The following CNTNAP2 variants were observed in gnomAD, a reference collection of about 807,000 sequenced individuals.
CNTNAP2 encodes contactin-associated protein-like 2.
CNTNAP2 carries 98 observed loss-of-function variants against 155.2 expected under a neutral mutation model. The observed-to-expected ratio is 0.63, with a 90% CI of 0.54 to 0.75. The LOEUF (loss-of-function observed/expected upper bound fraction) is 0.75, where lower values mean the gene tolerates loss of function less well. Ranked by LOEUF, CNTNAP2 falls within the 30% of genes least tolerant of loss-of-function variation. The pLI, the probability that CNTNAP2 is intolerant of heterozygous loss-of-function variation, is 0.00. For missense variants in CNTNAP2, 1,727 were observed against 1,688.1 expected, an observed-to-expected ratio of 1.02 and a Z score of -0.40; for synonymous variants, 651 against 631.2, an observed-to-expected ratio of 1.03 and a Z score of -0.47.
intron 13 of CNTNAP2, among the ~76,000 whole-genome samples, chr7:147,875,858 C>T (rs1040758306): frequency 1.3e-5 from 2 of 152,170 alleles, no homozygotes; most frequent in African/African-American, 2.4e-5. Context: ...GGTGACCCTA[C>T]CTTCAGAAGC....
At chr7:148,270,648 G>T (rs1204879667) in intron 21 of CNTNAP2, among the ~76,000 whole-genome samples, 2 of 152,364 alleles carry the variant, frequency 1.3e-5, no homozygotes, top group African/African-American at 4.8e-5. Context: ...ACTGCAGGGT[G>T]AAAGGGTATG....
intron 1 of CNTNAP2, among the ~76,000 whole-genome samples, chr7:146,767,792 A>G (rs983472509): frequency 2.0e-5 from 3 of 152,172 alleles, no homozygotes; most frequent in African/African-American, 7.2e-5. Context: ...AAAATCTAGA[A>G]CGACTGGGTC....
chr7:147,114,068 T>C (rs2129281086), intron 5 of CNTNAP2, among the ~76,000 whole-genome samples: 1 of 152,340 alleles, frequency 6.6e-6, no homozygotes, highest in South Asian at 2.1e-4. Context: ...AATTTCATTA[T>C]TTACCCAAGA....
chr7:147,585,744 AGTGT>A (rs1160893737), intron 12 of CNTNAP2, among the ~76,000 whole-genome samples: 1 of 146,324 alleles, frequency 6.8e-6, no homozygotes, highest in Non-Finnish European at 1.5e-5. Context: ...CCTCTCTAAA[AGTGT>A]GTGTGTGTCT....
chr7:147,776,931 A>G (rs1025717433), intron 13 of CNTNAP2, among the ~76,000 whole-genome samples: 8 of 151,348 alleles, frequency 5.3e-5, no homozygotes, highest in East Asian at 1.9e-4. Context: ...TTTTTGTAGT[A>G]TATTTTATTC....
intron 13 of CNTNAP2, among the ~76,000 whole-genome samples, chr7:147,774,044 A>C (rs188415786): frequency 1.0e-3 from 155 of 152,082 alleles, no homozygotes; most frequent in Non-Finnish European, 1.9e-3. Flanking sequence ...CTCTTCTCAG[A>C]TATACACACA....
At chr7:147,297,121 A>G (rs1389047822) in intron 8 of CNTNAP2, among the ~76,000 whole-genome samples, 4 of 152,200 alleles carry the variant, frequency 2.6e-5, no homozygotes, top group Non-Finnish European at 5.9e-5. Context: ...CCTTAGAATG[A>G]GTCATATTGC....
intron 1 of CNTNAP2, among the ~76,000 whole-genome samples, chr7:146,196,101 A>G (rs1036461204): frequency 6.6e-6 from 1 of 152,182 alleles, no homozygotes; most frequent in African/African-American, 2.4e-5. Context: ...TAATAACAAG[A>G]AGTTTGCATA....
chr7:146,721,889 A>ATATATTTTTTT lies in CNTNAP2; in HGVS notation c.98-52381_98-52380insATATTTTTTTT. 1.3e-4 allele frequency among the ~76,000 whole-genome samples: 9 copies of ATATATTTTTTT among 69,708 alleles called. No individual in the cohort carries two copies. In the African/African-American group the frequency reaches 1.5e-3, roughly 12 times the overall value. The allele number at this position is 69,708 out of a possible 152,430, so 45.7% of individuals were successfully genotyped here. On this transcript the variant is annotated intron_variant, in intron 1 of 23. Transcript: ENST00000361727. ...TGTGTGTGTGTGTATATATATATAT[A>ATATATTTTTTT]TTTTTTTTTTTTTTTTTGAGATGGA... is the stretch of plus-strand genomic sequence containing the variant.
At chr7:146,996,943 G>T (rs1798320951) in intron 3 of CNTNAP2, among the ~76,000 whole-genome samples, 1 of 152,040 alleles carries the variant, frequency 6.6e-6, no homozygotes, top group African/African-American at 2.4e-5. Flanking sequence ...TTTTATAAGG[G>T]GAGGCTCCTT....
chr7:147,454,395 T>C (rs1797885770), intron 10 of CNTNAP2, among the ~76,000 whole-genome samples: 2 of 152,188 alleles, frequency 1.3e-5, no homozygotes, highest in Admixed American at 1.3e-4. Context: ...GACTTTGCTC[T>C]TTTCTACTGT....
At chr7:147,109,854 C>A (rs1800839496) in intron 5 of CNTNAP2, among the ~76,000 whole-genome samples, 1 of 152,044 alleles carries the variant, frequency 6.6e-6, no homozygotes, top group African/African-American at 2.4e-5. Context: ...GCTGAAAGAT[C>A]TGAACTCAAA....
At chr7:147,247,688 T>C (rs1804097003) in intron 8 of CNTNAP2, among the ~76,000 whole-genome samples, 1 of 152,188 alleles carries the variant, frequency 6.6e-6, no homozygotes, top group Non-Finnish European at 1.5e-5. Flanking sequence ...TAAAAGTTTT[T>C]TGTTTATCAT....
At chr7:147,947,849 T>G (rs1254485283) in intron 14 of CNTNAP2, among the ~76,000 whole-genome samples, 1 of 152,150 alleles carries the variant, frequency 6.6e-6, no homozygotes, top group Non-Finnish European at 1.5e-5. Flanking sequence ...GCAAAATGGA[T>G]GCCTGGCTTT....
chr7:147,230,314 G>C, intron 8 of CNTNAP2, among the ~76,000 whole-genome samples: 1 of 152,038 alleles, frequency 6.6e-6, no homozygotes, highest in East Asian at 1.9e-4. Context: ...CTGGAGTAGA[G>C]TGGTGCGATC....
chr7:147,733,064 T>C (rs1328149747), intron 13 of CNTNAP2, among the ~76,000 whole-genome samples: 1 of 152,224 alleles, frequency 6.6e-6, no homozygotes, highest in Non-Finnish European at 1.5e-5. Context: ...AATTTTGGCT[T>C]TGTTGCCATT....
At chr7:147,540,792 C>T (rs1217771086) in intron 11 of CNTNAP2, among the ~76,000 whole-genome samples, 1 of 151,574 alleles carries the variant, frequency 6.6e-6, no homozygotes, top group Non-Finnish European at 1.5e-5. Flanking sequence ...GATGGTGCCA[C>T]TGCAATCCAG....
chr7:148,106,993 A>G (rs1456858098), intron 15 of CNTNAP2, among the ~76,000 whole-genome samples: 1 of 152,140 alleles, frequency 6.6e-6, no homozygotes, highest in South Asian at 2.1e-4. Flanking sequence ...TCAGGCATAA[A>G]TAATAGCCCC....
intron 12 of CNTNAP2, among the ~76,000 whole-genome samples, chr7:147,630,736 A>C (rs900748071): frequency 6.6e-6 from 1 of 152,204 alleles, no homozygotes; most frequent in Non-Finnish European, 1.5e-5. Flanking sequence ...TGAGCATCCC[A>C]ATAGATGCAG....
Sources: allele counts gnomAD v4.1 joint callset (sites outside exome capture counted in the v4.1 genomes callset), GRCh38; gene constraint gnomAD v4.1.1; transcripts MANE v1.5; gene names NCBI Gene and HGNC (gene_info 2026-07-23, HGNC 2026-07-21).